FAT1: variants seen among roughly 807,000 people sequenced by gnomAD.
FAT1 encodes protocadherin Fat 1.
Under a neutral mutation model 329.8 loss-of-function variants are expected in FAT1, and 171 were observed. The ratio of observed to expected loss-of-function variants is 0.52; its 90% CI spans 0.46 to 0.59. The LOEUF is 0.59. Among genes scored for constraint, FAT1 ranks in the 20% least tolerant of loss-of-function variants. The pLI is 0.00. For missense variants in FAT1, 5,672 were observed against 5,774.4 expected (o/e 0.98, Z 0.57); for synonymous variants, 2,233 against 2,228.6 (o/e 1.00, Z -0.06).
intron 2 of FAT1, among the ~76,000 whole-genome samples, chr4:186,669,972 G>A (rs1275420024): frequency 1.3e-5 from 2 of 152,162 alleles, no homozygotes; most frequent in African/African-American, 4.8e-5. Context: ...ATTCCCTCCC[G>A]CTGACACAGG....
chr4:186,628,229 A>C lies in FAT1; in HGVS notation c.4735T>G (p.Ser1579Ala). ...GRVYESAAVGSVVLQVTALDK... is the reference protein window; with the variant it reads ...GRVYESAAVGAVVLQVTALDK... ...AGAGCCGTCACCTGCAACACAACTG[A>C]GCCAACGGCTGCCGATTCATAAACC... The change falls in exon 9 of 27, where the codon TCA becomes GCA. Residue 1579 changes from serine (S) to alanine (A), a missense_variant. Ser to Ala is a moderately conservative substitution (Grantham distance 99, BLOSUM62 1). This residue lies in a region of FAT1 where 3,966 missense variants were observed against 3,915.2 expected (regional missense o/e 1.01). Transcript: ENST00000441802. The C allele has an allele frequency of 6.2e-7, 1 of 1,613,940 alleles. No individual in the cohort carries two copies. Among genetic ancestry groups the C allele is most frequent in the Non-Finnish European group, 8.5e-7 (1 of 1,179,890 alleles).
chr4:186,617,693 A>T lies in FAT1; in HGVS notation c.8878+15T>A, dbSNP rs1324803310. The T allele has an allele frequency of 6.5e-7, 1 of 1,528,936 alleles. No individual in the cohort carries two copies. The highest frequency in any genetic ancestry group is 1.3e-5 in the South Asian group (1 of 77,296). The allele number at this position is 1,528,936 out of a possible 1,614,324, so 94.7% of individuals were successfully genotyped here. On this transcript the variant is annotated intron_variant, in intron 10 of 26. Coordinates refer to ENST00000441802, the MANE Select transcript of FAT1 (RefSeq NM_005245.4). ...TTTTAAATTAATTAAACCGTTTGGT[A>T]TGAATTTTTTTTACCTGTTATGAAA... is the stretch of plus-strand genomic sequence containing the variant.
intron 16 of FAT1, 129 bp from the exon 17 acceptor site, chr4:186,606,342 G>A (rs984220675): frequency 2.0e-5 from 18 of 895,168 alleles, no homozygotes; most frequent in Middle Eastern, 2.9e-4. Flanking sequence ...CATCCTGCCT[G>A]TGAGCGATGC....
Position 186,596,883 on chromosome 4 carries a change from C to A in FAT1, c.12657G>T (p.Lys4219Asn), listed in dbSNP as rs773802069. 9.3e-6 allele frequency: 15 copies of A among 1,614,008 alleles called. No individual in the cohort carries two copies. Among genetic ancestry groups the A allele is most frequent in the Middle Eastern group, 3.3e-4 (2 of 6,060 alleles). The change falls in exon 25 of 27, where the codon AAG (lysine) becomes AAT (asparagine). Residue 4219 changes from lysine (K) to asparagine (N), a missense_variant. By Grantham distance (94) the Lys-to-Asn change is moderately conservative. Around this residue, in one of 2 missense-constraint regions of FAT1, gnomAD observed 1,706 missense variants for 1,859.1 expected, o/e 0.92. Coordinates refer to ENST00000441802, the MANE Select transcript of FAT1 (RefSeq NM_005245.4). This position sits in a 1 kb window ranked among gnomAD's most constrained non-coding sequence, Gnocchi z 4.7. ...KKKHQAEPKD[K>N]HLGPATAFLQ... ...AGAAAGCCGTAGCGGGTCCCAGGTG[C>A]TTGTCTTTAGGTTCAGCCTGATGCT... is the stretch of plus-strand genomic sequence containing the variant.
rs772990031 is a variant in FAT1, at chr4:186,618,724, C to G, written c.7862G>C (p.Ser2621Thr). The change falls in exon 10 of 27, where the codon AGT becomes ACT. Residue 2621 changes from serine (S) to threonine (T), a missense_variant. By Grantham distance (58) the Ser-to-Thr change is moderately conservative. Coordinates refer to ENST00000441802, the MANE Select transcript of FAT1 (RefSeq NM_005245.4). Reference protein sequence around the residue: ...KGTSVVKVLASDADEGSNADI... With the variant: ...KGTSVVKVLATDADEGSNADI... ...GGCATTGGAGCCCTCATCGGCATCA[C>G]TTGCAAGAACTTTAACGACTGAAGT... 5.0e-6 allele frequency: 8 copies of G among 1,613,930 alleles called. No homozygotes were observed. The Admixed American group carries it at 1.2e-4, about 24-fold the overall frequency.
Position 186,597,214 on chromosome 4 carries a change from C to A in FAT1, c.12369-43G>T, listed in dbSNP as rs374263517. 4 of 1,517,958 alleles carry A rather than the reference C, an allele frequency of 2.6e-6. No homozygotes were observed. In the East Asian group the frequency reaches 7.0e-5, roughly 27 times the overall value. The allele number at this position is 1,517,958 out of a possible 1,614,324, so 94.0% of individuals were successfully genotyped here. ...AATGAGGAGAGACCTCTGTAGCATACGCCAGCGTATGTCAGGCTCAATCCT... is the reference window on the plus strand; with the variant it reads ...AATGAGGAGAGACCTCTGTAGCATAAGCCAGCGTATGTCAGGCTCAATCCT... On this transcript the variant is annotated intron_variant, in intron 24 of 26. Transcript: ENST00000441802.
At chr4:186,601,897 TAAC>T (rs1738834595) in intron 20 of FAT1, among the ~76,000 whole-genome samples, 1 of 152,158 alleles carries the variant, frequency 6.6e-6, no homozygotes. Context: ...GAGGCATACT[TAAC>T]AAATCAAAAG....
intron 2 of FAT1, among the ~76,000 whole-genome samples, chr4:186,698,509 T>C (rs910803287): frequency 2.0e-5 from 3 of 152,098 alleles, no homozygotes; most frequent in African/African-American, 7.2e-5. Flanking sequence ...TTTAAGTACA[T>C]AAAAGATAAG....
intron 17 of FAT1, among the ~76,000 whole-genome samples, chr4:186,605,556 A>AATG: frequency 1.1e-5 from 1 of 88,888 alleles, no homozygotes; most frequent in African/African-American, 4.3e-5. Flanking sequence ...GGAGGAATGG[A>AATG]GAAGAGGTGG....
chr4:186,590,479 T>C (rs538388106), intron 26 of FAT1: 16 of 1,030,552 alleles, frequency 1.6e-5, no homozygotes, highest in South Asian at 1.4e-4. Flanking sequence ...TAAAGGTAAG[T>C]ACACAGAACA....
rs537523154 is a variant in FAT1 at position 186,612,856 on chromosome 4, G to A, written c.9463+253C>T. Among the ~76,000 whole-genome samples, 22 of 152,322 alleles carry A rather than the reference G, an allele frequency of 1.4e-4. No homozygotes were observed. The South Asian group carries it at 4.6e-3, about 32-fold the overall frequency. On this transcript the variant is annotated intron_variant, in intron 13 of 26. Coordinates refer to ENST00000441802, the MANE Select transcript of FAT1 (RefSeq NM_005245.4). ...ATCACTGATTAATTCAATGGGATGT[G>A]AAGATCAGTTAATATTCAGTAACCA...
At chr4:186,678,734 A>G (rs1743064192) in intron 2 of FAT1, among the ~76,000 whole-genome samples, 1 of 152,006 alleles carries the variant, frequency 6.6e-6, no homozygotes, top group Non-Finnish European at 1.5e-5. Context: ...GAACGCTTTT[A>G]CACTGTTGAA....
At chr4:186,652,766 C>T (rs1741726032) in intron 3 of FAT1, among the ~76,000 whole-genome samples, 2 of 152,054 alleles carry the variant, frequency 1.3e-5, no homozygotes, top group Non-Finnish European at 2.9e-5. Flanking sequence ...GCAGTTTGTT[C>T]AGTATTCGTT....
Position 186,635,127 on chromosome 4 carries a change from G to C in FAT1, c.4183+898C>G, listed in dbSNP as rs547953716. Among the ~76,000 whole-genome samples the C allele has an allele frequency of 1.2e-4, 19 of 152,270 alleles. No individual in the cohort carries two copies. In the East Asian group the frequency reaches 3.7e-3, roughly 29 times the overall value. ...TTTAGCATGAAAGTTCCAAAGGTAAGGCCTGGCCTGGCCTGACATGCCCAG... is the reference window on the plus strand; with the variant it reads ...TTTAGCATGAAAGTTCCAAAGGTAACGCCTGGCCTGGCCTGACATGCCCAG... On this transcript the variant is annotated intron_variant, in intron 6 of 26. Coordinates refer to ENST00000441802, the MANE Select transcript of FAT1 (RefSeq NM_005245.4).
In FAT1 at chr4:186,603,385, T is replaced by C. The variant is rs780196845; in HGVS notation, c.11141A>G (p.Lys3714Arg). ...AQISTKQLLH[K>R]INSSVTDIEE... ...AATGTCAGTCACGGAAGAGTTAATC[T>C]TGTGCAGAAGTTGTTTTGTTGAGAT... The change falls in exon 19 of 27, where the codon AAG becomes AGG. Residue 3714 changes from lysine (K) to arginine (R), a missense_variant. Lys to Arg is a conservative substitution (Grantham distance 26, BLOSUM62 2). This residue lies in a region of FAT1 where 1,706 missense variants were observed against 1,859.1 expected (regional missense o/e 0.92). Coordinates refer to ENST00000441802, the MANE Select transcript of FAT1 (RefSeq NM_005245.4). 3.1e-6 allele frequency: 5 copies of C among 1,613,898 alleles called. No homozygotes were observed. In the African/African-American group the frequency reaches 6.7e-5, roughly 22 times the overall value.
rs536527673 is a variant in FAT1 at position 186,695,488 on chromosome 4, C to G, written c.3265+11075G>C. 3.9e-4 allele frequency among the ~76,000 whole-genome samples: 59 copies of G among 152,280 alleles called. 1 individual carries two copies. The highest frequency in any genetic ancestry group is 1.4e-3 in the African/African-American group (57 of 41,554). ...GTCTCAAGTGGAAGAGCAGCCTTAA[C>G]TATATTAAAAAGGACAAATTTAAAA... is the stretch of plus-strand genomic sequence containing the variant. On this transcript the variant is annotated intron_variant, in intron 2 of 26. Coordinates refer to ENST00000441802, the MANE Select transcript of FAT1 (RefSeq NM_005245.4).
Position 186,693,603 on chromosome 4 carries a change from AC to A in FAT1, c.3265+12959del, listed in dbSNP as rs1743895747. Among the ~76,000 whole-genome samples the A allele has an allele frequency of 1.9e-5, 2 of 107,860 alleles. 1 individual carries two copies. Among genetic ancestry groups the A allele is most frequent in the Non-Finnish European group, 3.8e-5 (2 of 52,894 alleles). 70.8% of individuals were successfully genotyped at this position (107,860 alleles called of 152,430 possible). A position where few individuals can be genotyped will look rare whatever the true frequency, so the allele number is the denominator to read the frequency against. On this transcript the variant is annotated intron_variant, in intron 2 of 26. Transcript: ENST00000441802. ...CTCGAGCTCAACAGCAACTGATCAAACATGAGTCAGCCCGTGGAAAACAGCC... is the reference window on the plus strand; with the variant it reads ...CTCGAGCTCAACAGCAACTGATCAAAATGAGTCAGCCCGTGGAAAACAGCC...
chr4:186,688,653 G>GC lies in FAT1; in HGVS notation c.3265+17909dup, dbSNP rs55901943. ...TTCACCCAGCAAGAGTACCCCCCCC[G>GC]CCCCCCCCCAAAAAAACACACACCC... On this transcript the variant is annotated intron_variant, in intron 2 of 26. Coordinates refer to ENST00000441802, the MANE Select transcript of FAT1 (RefSeq NM_005245.4). 6.2e-4 allele frequency among the ~76,000 whole-genome samples: 76 copies of GC among 122,234 alleles called. 1 individual carries two copies. The highest frequency in any genetic ancestry group is 3.3e-3 in the East Asian group (10 of 3,052). 80.2% of individuals were successfully genotyped at this position (122,234 alleles called of 152,430 possible). A position where few individuals can be genotyped will look rare whatever the true frequency, so the allele number is the denominator to read the frequency against.
At chr4:186,605,675 G>T (rs1363266021) in intron 17 of FAT1, among the ~76,000 whole-genome samples, 7 of 150,918 alleles carry the variant, frequency 4.6e-5, no homozygotes, top group African/African-American at 1.7e-4. Context: ...GGAGGAGTAG[G>T]GAGGAAGAAG....
Sources: allele counts gnomAD v4.1 joint callset (sites outside exome capture counted in the v4.1 genomes callset), GRCh38; gene constraint gnomAD v4.1.1; regional missense constraint gnomAD v4.1.1; non-coding constraint Gnocchi (gnomAD v3.1); transcripts MANE v1.5; gene names NCBI Gene and HGNC (gene_info 2026-07-23, HGNC 2026-07-21).